Variants in LINGO4 observed in about 807,000 individuals in gnomAD.
LINGO4 encodes leucine-rich repeat and immunoglobulin-like domain-containing nogo receptor-interacting protein 4.
In LINGO4, 22 loss-of-function variants were observed where a neutral mutation model predicts 27.9. The ratio of observed to expected loss-of-function variants is 0.79; its 90% CI spans 0.56 to 1.13. The LOEUF is 1.13. Among genes scored for constraint, LINGO4 ranks in the 50% most tolerant of loss-of-function variants. The pLI is 0.00. For synonymous variants in LINGO4, 306 were observed against 325.8 expected, an observed-to-expected ratio of 0.94 and a Z score of 0.65; for missense variants, 706 against 739.4, an observed-to-expected ratio of 0.95 and a Z score of 0.52.
At chr1:151,803,691 G>A (rs1022361613) in intron 1 of LINGO4, among the ~76,000 whole-genome samples, 1 of 152,206 alleles carries the variant, frequency 6.6e-6, no homozygotes, top group Non-Finnish European at 1.5e-5. Context: ...GTGGACCAGG[G>A]AGCATAGATA....
In LINGO4 at chr1:151,800,926, G is replaced by A. The variant is rs1474380806; in HGVS notation, c.1779C>T (p.Phe593=). ...SGGNRVTAKL[F] ...TTCCCCACTGGGGAAGGAAAGGTCA[G>A]AAGAGCTTGGCAGTGACCCGGTTAC... The change falls in exon 2 of 2, where the codon TTC becomes TTT. Residue 593 remains phenylalanine (F), a synonymous_variant. Coordinates refer to ENST00000368820, the MANE Select transcript of LINGO4 (RefSeq NM_001004432.4). 3.1e-6 allele frequency: 5 copies of A among 1,602,018 alleles called. No individual in the cohort carries two copies. In the African/African-American group the frequency reaches 6.7e-5, roughly 21 times the overall value.
rs1401364915 is a variant in LINGO4, at chr1:151,802,005, C to G, written c.700G>C (p.Glu234Gln). Residue 234 changes from glutamate (E) to glutamine (Q), a missense_variant, in exon 2 of 2, where the codon GAG becomes CAG. Physicochemically the swap from Glu to Gln is conservative, Grantham distance 29. Transcript: ENST00000368820. ...TCCAGAGATGGCCAGAGGTGGATCT[C>G]CAGCTCCTTGAGCTGCCCCAGCCCC... ...LRGLGQLKEL[E>Q]IHLWPSLEAL... is the part of the protein sequence containing the mutation. 6.2e-7 allele frequency: 1 copy of G among 1,614,144 alleles called. No individual in the cohort carries two copies. The highest frequency in any genetic ancestry group is 8.5e-7 in the Non-Finnish European group (1 of 1,180,014).
chr1:151,804,109 A>G (rs1651223013), intron 1 of LINGO4, among the ~76,000 whole-genome samples: 1 of 152,214 alleles, frequency 6.6e-6, no homozygotes, highest in Admixed American at 6.5e-5. Context: ...CTACAGGGTC[A>G]GCTTTCTACT....
chr1:151,801,737 A>AAGCCATGGAAGGCATGGGC lies in LINGO4; in HGVS notation c.949_967dup (p.Leu323CysfsTer18). 2 of 1,614,218 alleles carry AAGCCATGGAAGGCATGGGC rather than the reference A, an allele frequency of 1.2e-6. No individual in the cohort carries two copies. The highest frequency in any genetic ancestry group is 1.7e-6 in the Non-Finnish European group (2 of 1,180,020). ...CACATCCAGGAGGTGGAAGGCAGTC[A>AAGCCATGGAAGGCATGGGC]AGCCATGGAAGGCATGGGCAGCAAT... is the stretch of plus-strand genomic sequence containing the variant. On this transcript the variant is annotated frameshift_variant, in exon 2 of 2. Transcript: ENST00000368820. LOFTEE classifies it high-confidence loss of function. The surrounding 1 kb of genome is among the most constrained non-coding windows in gnomAD (Gnocchi z 5.7).
intron 1 of LINGO4, among the ~76,000 whole-genome samples, chr1:151,803,503 G>T (rs1044204148): frequency 2.0e-5 from 3 of 152,266 alleles, no homozygotes; most frequent in African/African-American, 4.8e-5. Context: ...TGAAGTTGGG[G>T]TGTGTGAGAG....
rs975837792 is a variant in LINGO4, at chr1:151,801,559, G to A, written c.1146C>T (p.Pro382=). Residue 382 remains proline, a synonymous_variant, in exon 2 of 2, where the codon CCC becomes CCT. Coordinates refer to ENST00000368820, the MANE Select transcript of LINGO4 (RefSeq NM_001004432.4). This position sits in a 1 kb window ranked among gnomAD's most constrained non-coding sequence, Gnocchi z 5.7. The part of the protein sequence containing the change: ...LRRHLDFGMS[P]PACAGPHHVQ... ...CATGATGGGGGCCAGCACAGGCAGG[G>A]GGGGACATGCCAAAGTCCAGGTGGC... is the stretch of plus-strand genomic sequence containing the variant. 2 of 1,613,772 alleles carry A rather than the reference G, an allele frequency of 1.2e-6. No individual in the cohort carries two copies. The highest frequency in any genetic ancestry group is 8.5e-7 in the Non-Finnish European group (1 of 1,179,998).
Position 151,801,020 on chromosome 1 carries a change from C to T in LINGO4, c.1685G>A (p.Gly562Asp), listed in dbSNP as rs377034052. Reference sequence around the variant, plus strand: ...AAAGGTCATGTGATGTTTGACCCGACCTTTGCCCTTGCTCCAAAGGGCAAT... The same window carrying T: ...AAAGGTCATGTGATGTTTGACCCGATCTTTGCCCTTGCTCCAAAGGGCAAT... ...GLIALWSKGKGRVKHHMTFDF... is the reference protein window; with the variant it reads ...GLIALWSKGKDRVKHHMTFDF... The change falls in exon 2 of 2, where the codon GGT becomes GAT. Residue 562 changes from glycine (G) to aspartate (D), a missense_variant. Physicochemically the swap from Gly to Asp is moderately conservative, Grantham distance 94 (BLOSUM62 -1). Transcript: ENST00000368820. The surrounding 1 kb of genome is among the most constrained non-coding windows in gnomAD (Gnocchi z 5.7). 6.2e-7 allele frequency: 1 copy of T among 1,614,176 alleles called. No homozygotes were observed. The highest frequency in any genetic ancestry group is 8.5e-7 in the Non-Finnish European group (1 of 1,180,034).
In LINGO4 at chr1:151,800,855, C is replaced by T; in HGVS notation, c.*68G>A. 6.9e-7 allele frequency: 1 copy of T among 1,447,106 alleles called. No individual in the cohort carries two copies. The highest frequency in any genetic ancestry group is 9.4e-7 in the Non-Finnish European group (1 of 1,061,760). The allele number at this position is 1,447,106 out of a possible 1,614,324, so 89.6% of individuals were successfully genotyped here. A position where few individuals can be genotyped will look rare whatever the true frequency, so the allele number is the denominator to read the frequency against. On this transcript the variant is annotated 3_prime_UTR_variant, in exon 2 of 2. Coordinates refer to ENST00000368820, the MANE Select transcript of LINGO4 (RefSeq NM_001004432.4). ...CGGGACTAGGTTCTGGTTCAAGCAG[C>T]CTTGGTTCTGTCTTCCCCTTTGGTA...
At position 151,802,187 on chromosome 1, in the gene LINGO4, G is replaced by A. The variant is rs752426795; in HGVS notation, c.518C>T (p.Pro173Leu). 28 of 1,613,942 alleles carry A rather than the reference G, an allele frequency of 1.7e-5. No homozygotes were observed. The East Asian group carries it at 2.2e-4, about 13-fold the overall frequency. ...VGDNHLVFVA[P>L]GAFAGLAKLS... The stretch of plus-strand genomic sequence containing the variant: ...CTTGGCTAGCCCTGCAAAGGCCCCC[G>A]GAGCCACAAATACCAGGTGGTTGTC... Residue 173 changes from proline to leucine, a missense_variant, in exon 2 of 2, where the codon CCG (proline) becomes CTG (leucine). Coordinates refer to ENST00000368820, the MANE Select transcript of LINGO4 (RefSeq NM_001004432.4).
Position 151,800,783 on chromosome 1 carries a change from G to C in LINGO4, c.*140C>G. On this transcript the variant is annotated 3_prime_UTR_variant, in exon 2 of 2. Transcript: ENST00000368820. ...GAAAAGCTCAGGAAGCAGACTCTCC[G>C]GCAGGAGGCACAACGCAGGCGGGAG... 1.4e-6 allele frequency: 1 copy of C among 727,804 alleles called. No homozygotes were observed. The allele number at this position is 727,804 out of a possible 1,614,324, so 45.1% of individuals were successfully genotyped here.
chr1:151,802,776 G>A (rs1035485073), intron 1 of LINGO4, 59 bp from the exon 2 acceptor site: 1 of 1,232,640 alleles, frequency 8.1e-7, no homozygotes, highest in Non-Finnish European at 1.1e-6. Flanking sequence ...CGGTGACCCT[G>A]GACTTCCTGG....
chr1:151,803,792 G>A (rs1244202318), intron 1 of LINGO4, among the ~76,000 whole-genome samples: 1 of 152,222 alleles, frequency 6.6e-6, no homozygotes, highest in African/African-American at 2.4e-5. Context: ...CACAGACAGT[G>A]TGCAGAGCCT....
In LINGO4 at chr1:151,802,584, G is replaced by A; in HGVS notation, c.121C>T (p.Pro41Ser). ...CPAVCDCTSQPQAVLCGHRQL... is the reference protein window; with the variant it reads ...CPAVCDCTSQSQAVLCGHRQL... ...CTGTGGCCACAGAGCACAGCCTGGG[G>A]CTGGGAGGTGCAGTCACACACAGCA... is the stretch of plus-strand genomic sequence containing the variant. The change falls in exon 2 of 2, where the codon CCC (proline) becomes TCC (serine). Residue 41 changes from proline (P) to serine (S), a missense_variant. Coordinates refer to ENST00000368820, the MANE Select transcript of LINGO4 (RefSeq NM_001004432.4). 6.2e-7 allele frequency: 1 copy of A among 1,600,230 alleles called. No homozygotes were observed. Among genetic ancestry groups the A allele is most frequent in the Non-Finnish European group, 8.5e-7 (1 of 1,173,122 alleles).
rs777932464 is a variant in LINGO4 at position 151,801,556 on chromosome 1, A to C, written c.1149T>G (p.Pro383=). Residue 383 remains proline (P), a synonymous_variant, in exon 2 of 2, where the codon CCT becomes CCG. Transcript: ENST00000368820. The surrounding 1 kb of genome is among the most constrained non-coding windows in gnomAD (Gnocchi z 5.7). Reference sequence around the variant, plus strand: ...GGACATGATGGGGGCCAGCACAGGCAGGGGGGGACATGCCAAAGTCCAGGT... The same window carrying C: ...GGACATGATGGGGGCCAGCACAGGCCGGGGGGGACATGCCAAAGTCCAGGT... ...RRHLDFGMSP[P]ACAGPHHVQG... The C allele has an allele frequency of 2.5e-6, 4 of 1,613,652 alleles. No individual in the cohort carries two copies. The highest frequency in any genetic ancestry group is 2.2e-5 in the South Asian group (2 of 91,048).
At position 151,801,153 on chromosome 1, in the gene LINGO4, C is replaced by T. The variant is rs370036064; in HGVS notation, c.1552G>A (p.Val518Met). The change falls in exon 2 of 2, where the codon GTG (valine) becomes ATG (methionine). Residue 518 changes from valine to methionine, a missense_variant. By Grantham distance (21) the Val-to-Met change is conservative. Transcript: ENST00000368820. This position sits in a 1 kb window ranked among gnomAD's most constrained non-coding sequence, Gnocchi z 5.7. ...NGTLSDPNIT[V>M]PGIPGPFFLD... ...AAAAAAGGCCCTGGGATCCCTGGCA[C>T]GGTGATGTTGGGGTCAGAAAGTGTG... The T allele has an allele frequency of 1.5e-5, 24 of 1,614,064 alleles. No individual in the cohort carries two copies. Among genetic ancestry groups the T allele is most frequent in the Admixed American group, 1.0e-4 (6 of 60,004 alleles).
In LINGO4 at chr1:151,802,580, T is replaced by C. The variant is rs1572029566; in HGVS notation, c.125A>G (p.Gln42Arg). 6.2e-7 allele frequency: 1 copy of C among 1,600,254 alleles called. No homozygotes were observed. Among genetic ancestry groups the C allele is most frequent in the East Asian group, 2.3e-5 (1 of 44,374 alleles). ...TTGCCTGTGGCCACAGAGCACAGCCTGGGGCTGGGAGGTGCAGTCACACAC... is the reference window on the plus strand; with the variant it reads ...TTGCCTGTGGCCACAGAGCACAGCCCGGGGCTGGGAGGTGCAGTCACACAC... ...PAVCDCTSQPQAVLCGHRQLE... is the reference protein window; with the variant it reads ...PAVCDCTSQPRAVLCGHRQLE... Residue 42 changes from glutamine to arginine, a missense_variant, in exon 2 of 2, where the codon CAG becomes CGG. Physicochemically the swap from Gln to Arg is conservative, Grantham distance 43 (BLOSUM62 1). Coordinates refer to ENST00000368820, the MANE Select transcript of LINGO4 (RefSeq NM_001004432.4).
rs777224122 is a variant in LINGO4 at position 151,801,373 on chromosome 1, A to G, written c.1332T>C (p.Thr444=). ...CCCCATGAGGCCTCATCCAGGAGAC[A>G]GTGGGGGCTGGGTCTCCATCTCCAG... ...SCSGDGDPAP[T]VSWMRPHGAW... The change falls in exon 2 of 2, where the codon ACT becomes ACC. Residue 444 remains threonine, a synonymous_variant. Coordinates refer to ENST00000368820, the MANE Select transcript of LINGO4 (RefSeq NM_001004432.4). This position sits in a 1 kb window ranked among gnomAD's most constrained non-coding sequence, Gnocchi z 5.7. 2 of 1,613,978 alleles carry G rather than the reference A, an allele frequency of 1.2e-6. No homozygotes were observed. The highest frequency in any genetic ancestry group is 1.7e-6 in the Non-Finnish European group (2 of 1,179,844).
chr1:151,801,776 G>A lies in LINGO4; in HGVS notation c.929C>T (p.Ala310Val). 1.2e-6 allele frequency: 2 copies of A among 1,614,212 alleles called. No individual in the cohort carries two copies. Among genetic ancestry groups the A allele is most frequent in the Non-Finnish European group, 1.7e-6 (2 of 1,180,038 alleles). The change falls in exon 2 of 2, where the codon GCA becomes GTA. Residue 310 changes from alanine to valine, a missense_variant. Transcript: ENST00000368820. This position sits in a 1 kb window ranked among gnomAD's most constrained non-coding sequence, Gnocchi z 5.7. Reference sequence around the variant, plus strand: ...ATGGGCAGCAATGGAGGTGAGGCATGCCCCTGACAGGCGTAGCTCCTGGAG... The same window carrying A: ...ATGGGCAGCAATGGAGGTGAGGCATACCCCTGACAGGCGTAGCTCCTGGAG... ...VRLQELRLSG[A>V]CLTSIAAHAF...
intron 1 of LINGO4, among the ~76,000 whole-genome samples, chr1:151,804,152 G>C (rs1651224273): frequency 6.6e-6 from 1 of 152,116 alleles, no homozygotes; most frequent in South Asian, 2.1e-4. Context: ...TGGAACTTAG[G>C]AGAGGCAGTT....
Sources: allele counts gnomAD v4.1 joint callset (sites outside exome capture counted in the v4.1 genomes callset), GRCh38; gene constraint gnomAD v4.1.1; non-coding constraint Gnocchi (gnomAD v3.1); transcripts MANE v1.5; gene names NCBI Gene and HGNC (gene_info 2026-07-23, HGNC 2026-07-21).